NRIP1: variants seen among roughly 807,000 people sequenced by gnomAD.
The protein encoded by NRIP1 is nuclear receptor-interacting protein 1.
A neutral mutation model predicts 75.0 loss-of-function variants in NRIP1; 28 were observed. The ratio of observed to expected loss-of-function variants is 0.37; its 90% confidence interval spans 0.28 to 0.51. The LOEUF (loss-of-function observed/expected upper bound fraction) is 0.51. NRIP1 is among the 20% of genes least tolerant of loss of function. The pLI, the probability that NRIP1 is intolerant of heterozygous loss-of-function variation, is 0.92. For missense variants in NRIP1, 1,435 were observed against 1,343.7 expected (o/e 1.07, Z -1.06); for synonymous variants, 526 against 487.6 (o/e 1.08, Z -1.04).
chr21:15,016,261 A>C (rs1268092890), intron 2 of NRIP1, among the ~76,000 whole-genome samples: 7 of 152,212 alleles, frequency 4.6e-5, no homozygotes. Context: ...TAGGAATTCT[A>C]AGAAGAGTAG....
intron 1 of NRIP1, chr21:15,051,661 G>T: frequency 6.6e-6 from 1 of 152,348 alleles, no homozygotes; most frequent in Admixed American, 6.5e-5. Flanking sequence ...AACCAAGAAA[G>T]TATAATACTC....
chr21:14,992,667 C>T (rs1169738448), intron 3 of NRIP1: 1 of 152,002 alleles, frequency 6.6e-6, no homozygotes, highest in East Asian at 1.9e-4. Context: ...TAGGAAGTGA[C>T]ACAAGTGAAA....
chr21:14,974,619 G>GA (rs1285805789), intron 3 of NRIP1, among the ~76,000 whole-genome samples: 1 of 152,146 alleles, frequency 6.6e-6, no homozygotes, highest in Non-Finnish European at 1.5e-5. Flanking sequence ...CATAAAAGAT[G>GA]AAAGAATACT....
At chr21:15,005,961 T>C (rs989763720) in intron 3 of NRIP1, among the ~76,000 whole-genome samples, 28 of 152,184 alleles carry the variant, frequency 1.8e-4, no homozygotes, top group African/African-American at 6.0e-4. Flanking sequence ...TTCAGATTTG[T>C]AGCACAGTCA....
chr21:15,063,218 A>C (rs1045234939), intron 1 of NRIP1, among the ~76,000 whole-genome samples: 13 of 152,184 alleles, frequency 8.5e-5, no homozygotes, highest in African/African-American at 3.1e-4. Flanking sequence ...GGCAGAAAAA[A>C]AGTTACTGTA....
intron 3 of NRIP1, among the ~76,000 whole-genome samples, chr21:15,003,492 G>C (rs1436032833): frequency 6.6e-6 from 1 of 152,162 alleles, no homozygotes; most frequent in Non-Finnish European, 1.5e-5. Context: ...CACTGACCAT[G>C]TCATCAGGCT....
chr21:14,976,335 T>C (rs1445317772), intron 3 of NRIP1, among the ~76,000 whole-genome samples: 1 of 152,164 alleles, frequency 6.6e-6, no homozygotes, highest in Non-Finnish European at 1.5e-5. Context: ...CTTCACCATA[T>C]GCGTAGATTG....
chr21:15,019,284 T>C (rs568786452), intron 2 of NRIP1, among the ~76,000 whole-genome samples: 1 of 148,904 alleles, frequency 6.7e-6, no homozygotes, highest in South Asian at 2.1e-4. Flanking sequence ...GACAAGGATA[T>C]CTGATGTCTA....
At chr21:15,017,832 T>A (rs2088273371) in intron 2 of NRIP1, among the ~76,000 whole-genome samples, 1 of 152,242 alleles carries the variant, frequency 6.6e-6, no homozygotes, top group East Asian at 1.9e-4. Flanking sequence ...GAGCCCACAA[T>A]GTGTATTTGA....
At chr21:15,026,775 G>A (rs1281626092) in intron 2 of NRIP1, among the ~76,000 whole-genome samples, 2 of 151,990 alleles carry the variant, frequency 1.3e-5, no homozygotes, top group Admixed American at 6.6e-5. Flanking sequence ...TATTGCCCAG[G>A]AGTGGAAATA....
chr21:15,032,181 A>G (rs1277282094), intron 2 of NRIP1, among the ~76,000 whole-genome samples: 1 of 152,234 alleles, frequency 6.6e-6, no homozygotes, highest in Non-Finnish European at 1.5e-5. Context: ...TTTTTAGCTC[A>G]AAGCCAAGCC....
intron 3 of NRIP1, among the ~76,000 whole-genome samples, chr21:15,008,420 A>G (rs532302598): frequency 1.8e-4 from 28 of 152,186 alleles, no homozygotes; most frequent in Non-Finnish European, 3.8e-4. Flanking sequence ...TAGAAGGTAC[A>G]CAAATCATAA....
intron 3 of NRIP1, among the ~76,000 whole-genome samples, chr21:15,013,666 G>C (rs1036885278): frequency 4.6e-5 from 7 of 152,186 alleles, no homozygotes; most frequent in Non-Finnish European, 1.0e-4. Context: ...AGCTATACTA[G>C]AAAACAGGAG....
intron 3 of NRIP1, among the ~76,000 whole-genome samples, chr21:14,988,454 T>TAGAC (rs3075988): frequency 0.17 from 20,999 of 122,128 alleles, 1,744 homozygotes; most frequent in Admixed American, 0.26. Flanking sequence ...GATAGATAGA[T>TAGAC]AGACAGACAG....
chr21:15,041,161 T>C (rs1367127350), intron 2 of NRIP1, among the ~76,000 whole-genome samples: 1 of 151,960 alleles, frequency 6.6e-6, no homozygotes. Flanking sequence ...CATAGACAAT[T>C]TAGGGGGAAA....
chr21:15,027,825 A>G (rs1815222292), intron 2 of NRIP1, among the ~76,000 whole-genome samples: 1 of 152,200 alleles, frequency 6.6e-6, no homozygotes, highest in Non-Finnish European at 1.5e-5. Context: ...CAGGCCAGCA[A>G]TCATATATTC....
At chr21:15,017,126 A>G (rs912967327) in intron 2 of NRIP1, among the ~76,000 whole-genome samples, 9 of 152,294 alleles carry the variant, frequency 5.9e-5, no homozygotes, top group African/African-American at 1.9e-4. Flanking sequence ...GTGTATATAG[A>G]TAAGAAACCC....
At chr21:15,026,803 T>C (rs1001307845) in intron 2 of NRIP1, among the ~76,000 whole-genome samples, 1 of 152,118 alleles carries the variant, frequency 6.6e-6, no homozygotes, top group Non-Finnish European at 1.5e-5. Context: ...TATACCTACA[T>C]ACAGCAGTAT....
In NRIP1 at chr21:14,967,208, C is replaced by T. The variant is rs1299731750; in HGVS notation, c.985G>A (p.Ala329Thr). The change falls in exon 4 of 4, where the codon GCA becomes ACA. Residue 329 changes from alanine to threonine, a missense_variant. Transcript: ENST00000318948. Reference protein sequence around the residue: ...KGMSSHLNGQARTSSSKLMAS... With the variant: ...KGMSSHLNGQTRTSSSKLMAS... Reference sequence around the variant, plus strand: ...ATCAGTTTGCTTGATGATGTTCTTGCCTGACCATTAAGATGGCTTGACATT... The same window carrying T: ...ATCAGTTTGCTTGATGATGTTCTTGTCTGACCATTAAGATGGCTTGACATT... 6.2e-6 allele frequency: 10 copies of T among 1,614,048 alleles called. No homozygotes were observed. The highest frequency in any genetic ancestry group is 3.3e-5 in the Admixed American group (2 of 59,968).
Sources: allele counts gnomAD v4.1 joint callset (sites outside exome capture counted in the v4.1 genomes callset), GRCh38; gene constraint gnomAD v4.1.1; transcripts MANE v1.5; gene names NCBI Gene and HGNC (gene_info 2026-07-23, HGNC 2026-07-21).